Variants in CFAP299 observed in about 807,000 individuals in gnomAD.
CFAP299 encodes the protein cilia- and flagella-associated protein 299.
A neutral mutation model predicts 27.0 loss-of-function variants in CFAP299; 21 were observed. The ratio of observed to expected loss-of-function variants is 0.78; its 90% CI spans 0.55 to 1.12. The LOEUF is 1.12. Ranked by LOEUF, CFAP299 falls within the 50% of genes most tolerant of loss-of-function variation. The pLI is 0.00. For synonymous variants in CFAP299, 104 were observed against 98.1 expected, an observed-to-expected ratio of 1.06 and a Z score of -0.36; for missense variants, 310 against 276.6, an observed-to-expected ratio of 1.12 and a Z score of -0.86.
At chr4:80,636,187 G>A (rs1739459023) in intron 3 of CFAP299, among the ~76,000 whole-genome samples, 1 of 152,124 alleles carries the variant, frequency 6.6e-6, no homozygotes, top group Admixed American at 6.6e-5. Context: ...AGGGATTAGA[G>A]AGGAAGAAAG....
intron 2 of CFAP299, among the ~76,000 whole-genome samples, chr4:80,390,801 A>ATATGTATATATG (rs1725392025): frequency 7.2e-6 from 1 of 138,802 alleles, no homozygotes; most frequent in East Asian, 2.1e-4. Context: ...ATGTATATGT[A>ATATGTATATATG]TATATGTATA....
intron 3 of CFAP299, among the ~76,000 whole-genome samples, chr4:80,858,052 T>G (rs1732040366): frequency 6.6e-6 from 1 of 152,144 alleles, no homozygotes; most frequent in Non-Finnish European, 1.5e-5. Flanking sequence ...TCTTTTTGGT[T>G]GGTAAGCTAT....
intron 3 of CFAP299, among the ~76,000 whole-genome samples, chr4:80,680,044 A>C (rs1385596603): frequency 6.6e-6 from 1 of 151,970 alleles, no homozygotes. Flanking sequence ...GAGATTTTCT[A>C]TATTTGTTAT....
intron 3 of CFAP299, among the ~76,000 whole-genome samples, chr4:80,674,349 C>A (rs1260501302): frequency 6.6e-6 from 1 of 152,038 alleles, no homozygotes; most frequent in Admixed American, 6.6e-5. Flanking sequence ...GAATATTGGC[C>A]CCCACTCTCT....
chr4:80,675,319 C>T (rs771246522), intron 3 of CFAP299, among the ~76,000 whole-genome samples: 17 of 152,196 alleles, frequency 1.1e-4, no homozygotes, highest in Non-Finnish European at 2.2e-4. Context: ...TGGAGGTCTA[C>T]TCCAGACCCT....
At chr4:80,619,837 A>G (rs1296756167) in intron 3 of CFAP299, among the ~76,000 whole-genome samples, 1 of 152,146 alleles carries the variant, frequency 6.6e-6, no homozygotes, top group East Asian at 1.9e-4. Flanking sequence ...TCTCTTAATT[A>G]TAATGAGATA....
At chr4:80,467,394 CT>C (rs1729759727) in intron 2 of CFAP299, among the ~76,000 whole-genome samples, 1 of 152,114 alleles carries the variant, frequency 6.6e-6, no homozygotes, top group Admixed American at 6.6e-5. Flanking sequence ...CCTTATTTCC[CT>C]TTTTCACTCA....
intron 1 of CFAP299, among the ~76,000 whole-genome samples, chr4:80,355,464 TCTC>T (rs1225320753): frequency 2.7e-5 from 4 of 150,404 alleles, no homozygotes; most frequent in Non-Finnish European, 5.9e-5. Flanking sequence ...TTCGAGCAAT[TCTC>T]CTGCCTCAGC....
At chr4:80,672,466 T>A (rs1741542504) in intron 3 of CFAP299, among the ~76,000 whole-genome samples, 1 of 152,180 alleles carries the variant, frequency 6.6e-6, no homozygotes, top group Non-Finnish European at 1.5e-5. Context: ...TAAAATTCTC[T>A]TTTTTTGTTG....
intron 1 of CFAP299, among the ~76,000 whole-genome samples, chr4:80,358,688 C>T (rs1448349939): frequency 6.6e-6 from 1 of 152,052 alleles, no homozygotes; most frequent in African/African-American, 2.4e-5. Context: ...AGATTTTTCT[C>T]CATTCCTTTA....
chr4:80,859,101 G>C (rs1282395740), intron 3 of CFAP299, among the ~76,000 whole-genome samples: 1 of 152,108 alleles, frequency 6.6e-6, no homozygotes, highest in Admixed American at 6.5e-5. Context: ...CTCCTGTATT[G>C]GGTGCATATA....
chr4:80,697,808 A>G (rs1349114018), intron 3 of CFAP299, among the ~76,000 whole-genome samples: 1 of 152,220 alleles, frequency 6.6e-6, no homozygotes. Flanking sequence ...ATGGCATAGG[A>G]TAGTATATCC....
intron 3 of CFAP299, among the ~76,000 whole-genome samples, chr4:80,637,029 C>T (rs1356070645): frequency 1.3e-5 from 2 of 151,974 alleles, no homozygotes; most frequent in Non-Finnish European, 2.9e-5. Flanking sequence ...TTTGAAACTC[C>T]ACTCTGAATC....
intron 3 of CFAP299, among the ~76,000 whole-genome samples, chr4:80,861,291 C>T (rs548072453): frequency 1.1e-4 from 17 of 152,202 alleles, no homozygotes; most frequent in African/African-American, 3.6e-4. Context: ...GGGAGTGACC[C>T]GATTTTCCAG....
rs909541938 is a variant in CFAP299, at chr4:80,953,576, T to C, written c.606+8637T>C. On this transcript the variant is annotated intron_variant, in intron 5 of 5. Coordinates refer to ENST00000358105, the MANE Select transcript of CFAP299 (RefSeq NM_152770.3). ...TGAATTAAAACTCCTAAAACTTAAA[T>C]GTCATGTCCTCCACTTGACCTGAAA... Among the ~76,000 whole-genome samples, 6 of 152,260 alleles carry C rather than the reference T, an allele frequency of 3.9e-5. No homozygotes were observed. The East Asian group carries it at 1.2e-3, about 29-fold the overall frequency.
At chr4:80,794,484 C>A (rs1209411241) in intron 3 of CFAP299, among the ~76,000 whole-genome samples, 1 of 152,136 alleles carries the variant, frequency 6.6e-6, no homozygotes, top group Non-Finnish European at 1.5e-5. Context: ...AACTTTACCC[C>A]AGCCCTGCAA....
At chr4:80,830,499 T>C (rs566729440) in intron 3 of CFAP299, among the ~76,000 whole-genome samples, 2 of 152,072 alleles carry the variant, frequency 1.3e-5, no homozygotes, top group South Asian at 2.1e-4. Flanking sequence ...TAAGAATGAA[T>C]GGCTGGAGCT....
Position 80,653,658 on chromosome 4 carries a change from A to G in CFAP299, c.333+70475A>G, listed in dbSNP as rs530855024. Among the ~76,000 whole-genome samples, 21 of 152,300 alleles carry G rather than the reference A, an allele frequency of 1.4e-4. 1 individual carries two copies. The South Asian group carries it at 4.3e-3, about 32-fold the overall frequency. ...TTATATTCGTTTTGAATGTAACACA[A>G]GGACACAATGCTTTATATAATAAAA... is the stretch of plus-strand genomic sequence containing the variant. On this transcript the variant is annotated intron_variant, in intron 3 of 5. Coordinates refer to ENST00000358105, the MANE Select transcript of CFAP299 (RefSeq NM_152770.3).
chr4:80,336,122 A>G (rs916464891), intron 1 of CFAP299, among the ~76,000 whole-genome samples: 12 of 152,098 alleles, frequency 7.9e-5, no homozygotes, highest in Admixed American at 4.6e-4. Context: ...GCGCGGGCAC[A>G]CTCACACTGG....
Sources: gnomAD v4.1 joint callset for allele counts (sites outside exome capture counted in the v4.1 genomes callset) on GRCh38, gnomAD v4.1.1 for gene constraint, MANE v1.5 for transcripts, NCBI Gene and HGNC (gene_info 2026-07-23, HGNC 2026-07-21) for gene names.